The following ATP6V0A2 variants were observed in gnomAD, a reference collection of about 807,000 sequenced individuals.
ATP6V0A2 encodes the protein ATPase H+ transporting V0 subunit a2, also known as V-type proton ATPase 116 kDa subunit a 2.
ATP6V0A2 carries 58 observed loss-of-function variants against 104.4 expected under a neutral mutation model. That is an observed-to-expected ratio of 0.56 (90% CI 0.45 to 0.69). The LOEUF (loss-of-function observed/expected upper bound fraction) is 0.69, where lower values mean the gene tolerates loss of function less well. ATP6V0A2 is among the 30% of genes least tolerant of loss of function. The probability of loss-of-function intolerance (pLI) is 0.00; values close to 1 mark genes in which losing one functional copy is unlikely to be tolerated. For synonymous variants in ATP6V0A2, 376 were observed against 397.9 expected (o/e 0.95, Z 0.65); for missense variants, 938 against 1,062.9 (o/e 0.88, Z 1.63).
chr12:123,735,685 A>G (rs1183168136), intron 8 of ATP6V0A2, 61 bp downstream of exon 8: 3 of 1,313,764 alleles, frequency 2.3e-6, no homozygotes, highest in East Asian at 2.3e-5. Context: ...TTACACGTAT[A>G]TTTTCTCTCT....
At chr12:123,726,424 A>T (rs1956449795) in intron 5 of ATP6V0A2, 139 bp downstream of exon 5, 4 of 690,972 alleles carry the variant, frequency 5.8e-6, no homozygotes, top group African/African-American at 1.8e-5. Context: ...TTTAAGAAAC[A>T]CTGTATTCCT....
rs772153040 is a variant in ATP6V0A2 at position 123,752,315 on chromosome 12, G to C, written c.2088G>C (p.Glu696Asp). ...SGYTLIRKDS[E>D]EEVSLLGSQD... ...ACACACTTATAAGGAAAGATAGTGA[G>C]GAAGAAGTTTCATTGCTGGGAAGCC... The change falls in exon 17 of 20, where the codon GAG (glutamate) becomes GAC (aspartate). Residue 696 changes from glutamate to aspartate, a missense_variant. Glu to Asp is a conservative substitution (Grantham distance 45). Coordinates refer to ENST00000330342, the MANE Select transcript of ATP6V0A2 (RefSeq NM_012463.4). The C allele has an allele frequency of 1.2e-6, 2 of 1,614,166 alleles. No individual in the cohort carries two copies. The highest frequency in any genetic ancestry group is 4.5e-5 in the East Asian group (2 of 44,882).
rs528703352 is a variant in ATP6V0A2 at position 123,745,562 on chromosome 12, T to C, written c.1605+590T>C. 2.4e-3 allele frequency among the ~76,000 whole-genome samples: 366 copies of C among 152,080 alleles called. 3 individuals are homozygous for C. The highest frequency in any genetic ancestry group is 8.1e-3 in the African/African-American group (335 of 41,478). On this transcript the variant is annotated intron_variant, in intron 13 of 19. Transcript: ENST00000330342. ...TCTACTAAAAATACAAAAAATTAGC[T>C]GGGTGTGGTGGCTGGCGCCTGTAGT...
In ATP6V0A2 at chr12:123,761,097, G is replaced by C. The variant is rs1290032598; in HGVS notation, c.*3065G>C. The C allele has an allele frequency of 2.0e-5, 3 of 152,146 alleles. No homozygotes were observed. Among genetic ancestry groups the C allele is most frequent in the Non-Finnish European group, 4.4e-5 (3 of 68,076 alleles). 9.4% of individuals were successfully genotyped at this position (152,146 alleles called of 1,614,324 possible). A position where few individuals can be genotyped will look rare whatever the true frequency, so the allele number is the denominator to read the frequency against. Reference sequence around the variant, plus strand: ...AATTTTTGTATTTTTAGTAGAGACAGGGTTTCACCATGTTGGCCAGGCTGG... The same window carrying C: ...AATTTTTGTATTTTTAGTAGAGACACGGTTTCACCATGTTGGCCAGGCTGG... On this transcript the variant is annotated 3_prime_UTR_variant, in exon 20 of 20. Coordinates refer to ENST00000330342, the MANE Select transcript of ATP6V0A2 (RefSeq NM_012463.4).
intron 4 of ATP6V0A2, among the ~76,000 whole-genome samples, chr12:123,725,181 T>G (rs1335924718): frequency 3.3e-5 from 5 of 152,122 alleles, no homozygotes; most frequent in Non-Finnish European, 4.4e-5. Flanking sequence ...TGATCCACCT[T>G]CCTCGGCCTT....
Position 123,713,382 on chromosome 12 carries a change from G to T in ATP6V0A2, c.117+700G>T, listed in dbSNP as rs1426025950. ...AGTCATTGTTTGTCGAGTGGAAGCT[G>T]TCTCCCCAACAAGTAATAATAAACA... On this transcript the variant is annotated intron_variant, in intron 1 of 19. Transcript: ENST00000330342. Among the ~76,000 whole-genome samples, 9 of 152,064 alleles carry T rather than the reference G, an allele frequency of 5.9e-5. No individual in the cohort carries two copies. The South Asian group carries it at 1.9e-3, about 31-fold the overall frequency.
intron 6 of ATP6V0A2, among the ~76,000 whole-genome samples, chr12:123,729,660 A>T (rs1326189977): frequency 6.6e-6 from 1 of 152,148 alleles, no homozygotes; most frequent in African/African-American, 2.4e-5. Flanking sequence ...TGAACTGCTG[A>T]TCTACTAAAG....
chr12:123,756,729 C>T, intron 18 of ATP6V0A2, 86 bp from the exon 19 acceptor site: 1 of 1,439,390 alleles, frequency 6.9e-7, no homozygotes, highest in Non-Finnish European at 9.7e-7. Flanking sequence ...TCAGGGCCGT[C>T]AGGGGGAAAC....
chr12:123,735,751 G>A lies in ATP6V0A2; in HGVS notation c.825+127G>A. On this transcript the variant is annotated intron_variant, in intron 8 of 19. Transcript: ENST00000330342. ...AAATCAAGATGTTCTAGTGAGATTG[G>A]AATGTTGCTTCCCTCCCTCCTCCCC... is the stretch of plus-strand genomic sequence containing the variant. 3 of 865,618 alleles carry A rather than the reference G, an allele frequency of 3.5e-6. No individual in the cohort carries two copies. In the South Asian group the frequency reaches 4.3e-5, roughly 12 times the overall value. 53.6% of individuals were successfully genotyped at this position (865,618 alleles called of 1,614,324 possible).
intron 17 of ATP6V0A2, 52 bp downstream of exon 17, chr12:123,752,454 A>G (rs763488271): frequency 1.2e-6 from 2 of 1,600,500 alleles, no homozygotes; most frequent in Non-Finnish European, 1.7e-6. Flanking sequence ...CCAAGCTTCC[A>G]TAGAGATAAT....
At chr12:123,720,296 G>C (rs1312142738) in intron 2 of ATP6V0A2, among the ~76,000 whole-genome samples, 1 of 152,110 alleles carries the variant, frequency 6.6e-6, no homozygotes, top group Non-Finnish European at 1.5e-5. Flanking sequence ...TTGCAACCTG[G>C]GTGAGTCATT....
intron 7 of ATP6V0A2, 88 bp from the exon 8 acceptor site, chr12:123,735,443 C>T (rs560704894): frequency 8.6e-6 from 11 of 1,277,538 alleles, no homozygotes; most frequent in Admixed American, 1.7e-5. Flanking sequence ...GCTTTCATTC[C>T]GTTTTGCCAG....
At position 123,712,370 on chromosome 12, in the gene ATP6V0A2, T is replaced by TGTGGCGGCAGCTGGA. The variant is rs1432642032; in HGVS notation, c.-194_-180dup. On this transcript the variant is annotated 5_prime_UTR_variant, in exon 1 of 20. Transcript: ENST00000330342. The stretch of plus-strand genomic sequence containing the variant: ...TTGGGGGCGGGACCTCGCGGACTGC[T>TGTGGCGGCAGCTGGA]GTGGCGGCAGCTGGAGCGGCGGCCG... 8.6e-6 allele frequency: 3 copies of TGTGGCGGCAGCTGGA among 350,182 alleles called. No homozygotes were observed. Among genetic ancestry groups the TGTGGCGGCAGCTGGA allele is most frequent in the African/African-American group, 4.3e-5 (2 of 46,208 alleles). 21.7% of individuals were successfully genotyped at this position (350,182 alleles called of 1,614,324 possible).
At chr12:123,738,351 G>T (rs1186689767) in intron 9 of ATP6V0A2, among the ~76,000 whole-genome samples, 2 of 151,168 alleles carry the variant, frequency 1.3e-5, no homozygotes, top group Admixed American at 1.3e-4. Flanking sequence ...CCAAGATGGC[G>T]CCATTGCACT....
Position 123,728,535 on chromosome 12 carries a change from C to G in ATP6V0A2, c.648+626C>G, listed in dbSNP as rs972034338. Among the ~76,000 whole-genome samples the G allele has an allele frequency of 2.4e-5, 3 of 125,638 alleles. No individual in the cohort carries two copies. The South Asian group carries it at 8.1e-4, about 34-fold the overall frequency. 82.4% of individuals were successfully genotyped at this position (125,638 alleles called of 152,430 possible). On this transcript the variant is annotated intron_variant, in intron 6 of 19. Transcript: ENST00000330342. ...ACAGGCATGAGCCACTGTGCCAGGC[C>G]TGTCCTGTCTCTCTGATCTCCTTCA...
At chr12:123,739,152 C>T (rs1280752477) in intron 9 of ATP6V0A2, 1 of 152,280 alleles carries the variant, frequency 6.6e-6, no homozygotes, top group Non-Finnish European at 1.5e-5. Context: ...TGCACATGCA[C>T]TGGGGTCTCT....
intron 3 of ATP6V0A2, 68 bp from the exon 4 acceptor site, chr12:123,724,586 A>G (rs541629476): frequency 6.5e-7 from 1 of 1,550,122 alleles, no homozygotes; most frequent in South Asian, 1.1e-5. Flanking sequence ...GGTATACTGC[A>G]TGAAGATTAT....
chr12:123,723,000 G>C (rs1956414902), intron 3 of ATP6V0A2, among the ~76,000 whole-genome samples: 1 of 152,198 alleles, frequency 6.6e-6, no homozygotes, highest in Non-Finnish European at 1.5e-5. Context: ...TCCCCGGTGA[G>C]AACACTCACC....
In ATP6V0A2 at chr12:123,726,299, C is replaced by T. The variant is rs747194853; in HGVS notation, c.521+14C>T. 5.5e-5 allele frequency: 88 copies of T among 1,599,790 alleles called. No homozygotes were observed. In the Admixed American group the frequency reaches 8.7e-4, roughly 16 times the overall value. ...AGCAAAACTGGGGTAGGTGACAAGG[C>T]CTGGGGTGTCAGGCTTCATACTGCC... On this transcript the variant is annotated intron_variant, in intron 5 of 19. Transcript: ENST00000330342.
Sources: gnomAD v4.1 joint callset for allele counts (sites outside exome capture counted in the v4.1 genomes callset) on GRCh38, gnomAD v4.1.1 for gene constraint, MANE v1.5 for transcripts, NCBI Gene and HGNC (gene_info 2026-07-23, HGNC 2026-07-21) for gene names.